The following CTIF variants were observed in gnomAD, a reference collection of about 807,000 sequenced individuals.
The protein encoded by CTIF is cap binding complex dependent translation initiation factor.
In CTIF, 21 loss-of-function variants were observed where a neutral mutation model predicts 66.0. That is an observed-to-expected ratio of 0.32 (90% CI 0.23 to 0.46). The LOEUF (loss-of-function observed/expected upper bound fraction) is 0.46. Ranked by LOEUF, CTIF falls within the 20% of genes least tolerant of loss-of-function variation. The probability of loss-of-function intolerance (pLI) is 1.00; values close to 1 mark genes in which losing one functional copy is unlikely to be tolerated. For missense variants in CTIF, 739 were observed against 812.7 expected, an observed-to-expected ratio of 0.91 and a Z score of 1.10; for synonymous variants, 345 against 326.4, an observed-to-expected ratio of 1.06 and a Z score of -0.62.
chr18:48,634,930 T>G (rs950398579), intron 2 of CTIF, among the ~76,000 whole-genome samples: 3 of 152,252 alleles, frequency 2.0e-5, no homozygotes, highest in Non-Finnish European at 4.4e-5. Context: ...CTTTTCATAT[T>G]GATTACCTGT....
At chr18:48,540,179 T>A (rs1269612818) in intron 1 of CTIF, 1 of 152,284 alleles carries the variant, frequency 6.6e-6, no homozygotes, top group Admixed American at 6.5e-5. Context: ...TGGCTTTTTT[T>A]ATTATTCCTG....
At chr18:48,798,551 ATGAAG>A (rs1169462416) in intron 9 of CTIF, among the ~76,000 whole-genome samples, 1 of 152,216 alleles carries the variant, frequency 6.6e-6, no homozygotes. Flanking sequence ...TCCGAGTCCC[ATGAAG>A]TAACTGTGTG....
intron 10 of CTIF, among the ~76,000 whole-genome samples, chr18:48,818,939 GGGGTCAA>G (rs2068426301): frequency 6.6e-6 from 1 of 152,142 alleles, no homozygotes; most frequent in Non-Finnish European, 1.5e-5. Context: ...GGAGAGCTGT[GGGGTCAA>G]GGGGCATCTT....
At chr18:48,621,169 T>G (rs2090486374) in intron 2 of CTIF, among the ~76,000 whole-genome samples, 1 of 152,120 alleles carries the variant, frequency 6.6e-6, no homozygotes, top group African/African-American at 2.4e-5. Flanking sequence ...CTGTGTATTC[T>G]ACTCGTGGAT....
At chr18:48,589,182 G>T (rs547265437) in intron 1 of CTIF, among the ~76,000 whole-genome samples, 2 of 152,314 alleles carry the variant, frequency 1.3e-5, no homozygotes, top group Admixed American at 1.3e-4. Flanking sequence ...GGGGGCTTAA[G>T]ACAGCAGAAA....
intron 1 of CTIF, among the ~76,000 whole-genome samples, chr18:48,594,897 G>A (rs904859112): frequency 6.6e-6 from 1 of 152,222 alleles, no homozygotes; most frequent in East Asian, 1.9e-4. Flanking sequence ...CAGGCTGAGA[G>A]AGCTGAGGCC....
intron 1 of CTIF, among the ~76,000 whole-genome samples, chr18:48,569,265 C>T (rs940173695): frequency 2.0e-5 from 3 of 152,064 alleles, no homozygotes; most frequent in South Asian, 4.2e-4. Context: ...ATTTCCAGAG[C>T]GTGCACAGTT....
chr18:48,595,455 C>T (rs930371981), intron 1 of CTIF, among the ~76,000 whole-genome samples: 3 of 152,086 alleles, frequency 2.0e-5, no homozygotes, highest in Non-Finnish European at 4.4e-5. Context: ...GAGACAGGGT[C>T]TCAGTCTGTC....
intron 1 of CTIF, among the ~76,000 whole-genome samples, chr18:48,540,595 G>C (rs2088586229): frequency 6.6e-6 from 1 of 152,098 alleles, no homozygotes. Context: ...GTTGGGGCTG[G>C]GGGGTGTGAG....
intron 3 of CTIF, among the ~76,000 whole-genome samples, chr18:48,639,733 G>A (rs2090891591): frequency 6.6e-6 from 1 of 152,206 alleles, no homozygotes; most frequent in African/African-American, 2.4e-5. Context: ...TTTGGGGCTG[G>A]TGTGGTAGCC....
At chr18:48,600,150 C>T (rs1263253155) in intron 1 of CTIF, among the ~76,000 whole-genome samples, 3 of 152,066 alleles carry the variant, frequency 2.0e-5, no homozygotes, top group African/African-American at 7.2e-5. Context: ...AGAGTCTGCC[C>T]CCAACCCCCG....
At chr18:48,610,546 C>T (rs1003859890) in intron 1 of CTIF, among the ~76,000 whole-genome samples, 45 of 152,328 alleles carry the variant, frequency 3.0e-4, no homozygotes, top group African/African-American at 1.1e-3. Flanking sequence ...AGGCACCCCC[C>T]GGGGACTGAG....
At chr18:48,790,015 C>A (rs757399017) in intron 9 of CTIF, among the ~76,000 whole-genome samples, 1 of 152,202 alleles carries the variant, frequency 6.6e-6, no homozygotes, top group Non-Finnish European at 1.5e-5. Context: ...ATGGGATGAT[C>A]ACAGCTTCAT....
chr18:48,642,599 G>A (rs1419374974), intron 3 of CTIF, among the ~76,000 whole-genome samples: 1 of 152,136 alleles, frequency 6.6e-6, no homozygotes, highest in Non-Finnish European at 1.5e-5. Flanking sequence ...TGGAACCTCT[G>A]TCCAACCCAG....
chr18:48,575,233 T>C (rs1440315141), intron 1 of CTIF, among the ~76,000 whole-genome samples: 1 of 152,216 alleles, frequency 6.6e-6, no homozygotes, highest in Non-Finnish European at 1.5e-5. Context: ...TTACATCTTT[T>C]ACATCTTTTC....
At chr18:48,580,089 C>T (rs1370737413) in intron 1 of CTIF, among the ~76,000 whole-genome samples, 1 of 152,220 alleles carries the variant, frequency 6.6e-6, no homozygotes, top group Non-Finnish European at 1.5e-5. Context: ...GAGCTGGTTG[C>T]TTGGTCCCTG....
intron 9 of CTIF, among the ~76,000 whole-genome samples, chr18:48,782,429 C>A (rs186291331): frequency 7.9e-5 from 12 of 152,214 alleles, no homozygotes; most frequent in African/African-American, 2.4e-4. Context: ...CCTGTCCCCC[C>A]ACCCGCTCCC....
At chr18:48,763,697 T>C (rs1277329775) in intron 9 of CTIF, among the ~76,000 whole-genome samples, 2 of 152,198 alleles carry the variant, frequency 1.3e-5, no homozygotes, top group South Asian at 2.1e-4. Context: ...TTGGCCTCTA[T>C]AGTTCCCTGG....
At position 48,859,923 on chromosome 18, in the gene CTIF, G is replaced by C; in HGVS notation, c.*364G>C. The C allele has an allele frequency of 2.0e-6, 1 of 493,672 alleles. No homozygotes were observed. 30.6% of individuals were successfully genotyped at this position (493,672 alleles called of 1,614,324 possible). A position where few individuals can be genotyped will look rare whatever the true frequency, so the allele number is the denominator to read the frequency against. On this transcript the variant is annotated 3_prime_UTR_variant, in exon 12 of 12. Coordinates refer to ENST00000256413, the MANE Select transcript of CTIF (RefSeq NM_014772.3). ...CTGTGACTCCTCGGAGACCTTGGCAGCCTCGCACGCCGGGGCACCGCTTGG... is the reference window on the plus strand; with the variant it reads ...CTGTGACTCCTCGGAGACCTTGGCACCCTCGCACGCCGGGGCACCGCTTGG...
Sources: gnomAD v4.1 joint callset for allele counts (sites outside exome capture counted in the v4.1 genomes callset) on GRCh38, gnomAD v4.1.1 for gene constraint, MANE v1.5 for transcripts, NCBI Gene and HGNC (gene_info 2026-07-23, HGNC 2026-07-21) for gene names.